The following SHROOM2 variants were observed in gnomAD, a reference collection of about 807,000 sequenced individuals.
SHROOM2 encodes protein Shroom2.
In SHROOM2, 33 loss-of-function variants were observed where a neutral mutation model predicts 75.9. The ratio of observed to expected loss-of-function variants is 0.43; its 90% confidence interval spans 0.33 to 0.58. The LOEUF is 0.58. SHROOM2 is among the 20% of genes least tolerant of loss of function. The pLI is 0.04. For missense variants in SHROOM2, 1,434 were observed against 1,461.2 expected, an observed-to-expected ratio of 0.98 and a Z score of 0.30; for synonymous variants, 655 against 663.6, an observed-to-expected ratio of 0.99 and a Z score of 0.20.
intron 1 of SHROOM2, among the ~76,000 whole-genome samples, chrX:9,808,914 C>G (rs991726554): frequency 9.1e-6 from 1 of 110,375 alleles, no homozygotes; most frequent in Non-Finnish European, 1.9e-5. Context: ...ACAAAATTCG[C>G]CATGTTAAAG....
intron 1 of SHROOM2, among the ~76,000 whole-genome samples, chrX:9,831,774 A>T (rs2083917783): frequency 8.9e-6 from 1 of 111,835 alleles, no homozygotes; most frequent in Non-Finnish European, 1.9e-5. Context: ...CCTGGTTCAC[A>T]CAGTGCCTTC....
chrX:9,946,814 G>A lies in SHROOM2; in HGVS notation c.4728G>A (p.Glu1576=). The A allele has an allele frequency of 8.3e-7, 1 of 1,204,112 alleles. No individual in the cohort carries two copies. The highest frequency in any genetic ancestry group is 1.1e-6 in the Non-Finnish European group (1 of 891,322). ...YLSEESLADY[E]HFVKMKSALI... ...GCGAGGAGAGCCTCGCGGACTATGA[G>A]CACTTCGTGAAGATGAAGTCGGCCC... The change falls in exon 10 of 10, where the codon GAG becomes GAA. Residue 1576 remains glutamate (E), a synonymous_variant. Transcript: ENST00000380913.
chrX:9,886,296 G>T (rs2084260591), intron 2 of SHROOM2, among the ~76,000 whole-genome samples: 1 of 112,185 alleles, frequency 8.9e-6, no homozygotes, highest in Admixed American at 9.4e-5. Flanking sequence ...TGGCTGTGAC[G>T]CCCCTGTTCG....
chrX:9,896,885 C>G (rs1428158607), intron 4 of SHROOM2, among the ~76,000 whole-genome samples, 187 bp downstream of exon 4: 2 of 112,818 alleles, frequency 1.8e-5, no homozygotes, highest in African/African-American at 6.4e-5. Context: ...GCAATTTAAA[C>G]TGCCATATTC....
At position 9,914,841 on chromosome X, in the gene SHROOM2, C is replaced by T. The variant is rs182272557; in HGVS notation, c.2891+16551C>T. 6.3e-5 allele frequency among the ~76,000 whole-genome samples: 7 copies of T among 111,982 alleles called. No homozygotes were observed. In the East Asian group the frequency reaches 1.4e-3, roughly 23 times the overall value. ...TGATTTTCAGTCTGGTGGGCTCCTG[C>T]GGACTAATGGGTCGAGGTCCTCCAG... On this transcript the variant is annotated intron_variant, in intron 5 of 9. Transcript: ENST00000380913.
At chrX:9,804,934 C>T (rs1313527432) in intron 1 of SHROOM2, among the ~76,000 whole-genome samples, 1 of 111,003 alleles carries the variant, frequency 9.0e-6, no homozygotes, top group Non-Finnish European at 1.9e-5. Context: ...TGGAGTGGTG[C>T]AGTCAGAATC....
At chrX:9,818,657 TCTC>T (rs1232528784) in intron 1 of SHROOM2, 5 of 370,953 alleles carry the variant, frequency 1.3e-5, no homozygotes, top group African/African-American at 1.0e-4. Context: ...TGTTCTCTAA[TCTC>T]CTCTTTAAAA....
rs2084345575 is a variant in SHROOM2 at position 9,898,231 on chromosome X, C to T, written c.2832C>T (p.Gly944=). 2.5e-6 allele frequency: 3 copies of T among 1,188,445 alleles called. No homozygotes were observed. Among genetic ancestry groups the T allele is most frequent in the Non-Finnish European group, 3.4e-6 (3 of 883,818 alleles). Residue 944 remains glycine (G), a synonymous_variant, in exon 5 of 10, where the codon GGC becomes GGT. Transcript: ENST00000380913. ...VELRRQAGDP[G]EPREELPSAV... is the part of the protein sequence containing the mutation. ...TGCGAAGGCAGGCAGGGGACCCCGG[C>T]GAGCCCAGAGAAGAGCTTCCCTCCG... is the stretch of plus-strand genomic sequence containing the variant.
At chrX:9,804,817 C>T (rs2083742720) in intron 1 of SHROOM2, among the ~76,000 whole-genome samples, 1 of 111,667 alleles carries the variant, frequency 9.0e-6, no homozygotes, top group Non-Finnish European at 1.9e-5. Flanking sequence ...AGGAATGACT[C>T]CTGGGCTCTG....
At chrX:9,938,117 C>G (rs753801127) in intron 7 of SHROOM2, among the ~76,000 whole-genome samples, 15 of 111,509 alleles carry the variant, frequency 1.3e-4, no homozygotes, top group South Asian at 3.8e-4. Flanking sequence ...GAGGGCCCCC[C>G]CCACAGAGAG....
At chrX:9,884,558 G>A (rs1332634427) in intron 2 of SHROOM2, among the ~76,000 whole-genome samples, 2 of 106,645 alleles carry the variant, frequency 1.9e-5, no homozygotes, top group African/African-American at 3.4e-5. Context: ...CAGAAGAACA[G>A]TGGTGCAATA....
At chrX:9,936,108 T>C (rs1476233975) in intron 6 of SHROOM2, among the ~76,000 whole-genome samples, 1 of 110,444 alleles carries the variant, frequency 9.1e-6, no homozygotes, top group South Asian at 3.8e-4. Flanking sequence ...AACTTTTCTT[T>C]TTTTTTTGAG....
chrX:9,833,846 A>G (rs2083929516), intron 1 of SHROOM2, among the ~76,000 whole-genome samples: 1 of 111,061 alleles, frequency 9.0e-6, no homozygotes, highest in Non-Finnish European at 1.9e-5. Flanking sequence ...CCCCACTGAG[A>G]TCCGACGGCC....
At chrX:9,897,563 A>AG (rs1465524462) in intron 4 of SHROOM2, among the ~76,000 whole-genome samples, 1 of 11,890 alleles carries the variant, frequency 8.4e-5, no homozygotes, top group African/African-American at 2.1e-4. Context: ...TACAAAAAAA[A>AG]AAAAAAGAAA....
chrX:9,847,136 C>G (rs2084010700), intron 1 of SHROOM2, among the ~76,000 whole-genome samples: 1 of 112,544 alleles, frequency 8.9e-6, no homozygotes. Context: ...CGACAAACCT[C>G]TTTCTAGAAT....
At chrX:9,881,250 G>A (rs936319665) in intron 2 of SHROOM2, among the ~76,000 whole-genome samples, 8 of 111,815 alleles carry the variant, frequency 7.2e-5, no homozygotes, top group Admixed American at 2.9e-4. Flanking sequence ...TTAATAGTAC[G>A]GAAAGCAAGG....
chrX:9,838,676 A>C (rs1464386724), intron 1 of SHROOM2, among the ~76,000 whole-genome samples: 1 of 112,021 alleles, frequency 8.9e-6, no homozygotes, highest in East Asian at 2.8e-4. Context: ...CAAGAAACAA[A>C]AAGCCTTAAA....
chrX:9,924,575 C>CT (rs1160483071), intron 5 of SHROOM2, among the ~76,000 whole-genome samples: 10 of 110,920 alleles, frequency 9.0e-5, no homozygotes, highest in African/African-American at 3.3e-4. Flanking sequence ...AGGCTGGTCT[C>CT]TAACTCCTTG....
intron 1 of SHROOM2, among the ~76,000 whole-genome samples, chrX:9,807,111 C>G (rs1454006647): frequency 3.6e-5 from 4 of 111,695 alleles, no homozygotes; most frequent in Non-Finnish European, 7.5e-5. Flanking sequence ...GGTTGGGTTC[C>G]CACCCATTCT....
Sources: allele counts gnomAD v4.1 joint callset (sites outside exome capture counted in the v4.1 genomes callset), GRCh38; gene constraint gnomAD v4.1.1; transcripts MANE v1.5; gene names NCBI Gene and HGNC (gene_info 2026-07-23, HGNC 2026-07-21).